The following ACYP2 variants were observed in gnomAD, a reference collection of about 807,000 sequenced individuals.
ACYP2 encodes acylphosphatase-2.
Under a neutral mutation model 11.2 loss-of-function variants are expected in ACYP2, and 12 were observed. That is an observed-to-expected ratio of 1.08 (90% CI 0.69 to 1.74). The LOEUF (loss-of-function observed/expected upper bound fraction) is 1.74. Ranked by LOEUF, ACYP2 falls within the 40% of genes most tolerant of loss-of-function variation. ACYP2 has a pLI of 0.00. For synonymous variants in ACYP2, 43 were observed against 32.2 expected, an observed-to-expected ratio of 1.33 and a Z score of -1.13; for missense variants, 134 against 101.9, an observed-to-expected ratio of 1.31 and a Z score of -1.35.
intron 2 of ACYP2, among the ~76,000 whole-genome samples, chr2:54,044,816 T>C (rs1675428762): frequency 6.6e-6 from 1 of 152,298 alleles, no homozygotes; most frequent in Non-Finnish European, 1.5e-5. Flanking sequence ...CAGTGGAAAG[T>C]GGCTGAAGGT....
intron 2 of ACYP2, among the ~76,000 whole-genome samples, chr2:54,050,488 G>A (rs1558495199): frequency 6.6e-6 from 1 of 150,542 alleles, no homozygotes; most frequent in Admixed American, 6.6e-5. Context: ...GTTGGAGGCT[G>A]CAGTTAGCAT....
intron 6 of ACYP2, among the ~76,000 whole-genome samples, chr2:54,267,917 T>C (rs1688110315): frequency 6.6e-6 from 1 of 152,214 alleles, no homozygotes; most frequent in African/African-American, 2.4e-5. Flanking sequence ...AATTGGGGCC[T>C]ATTCATGCTA....
chr2:54,018,689 C>T (rs1673828513), intron 2 of ACYP2, among the ~76,000 whole-genome samples: 1 of 152,102 alleles, frequency 6.6e-6, no homozygotes, highest in Admixed American at 6.6e-5. Flanking sequence ...AATAGAACTT[C>T]TTATGGCTTT....
At chr2:54,207,352 G>A (rs1228935491) in intron 6 of ACYP2, among the ~76,000 whole-genome samples, 1 of 152,096 alleles carries the variant, frequency 6.6e-6, no homozygotes, top group Non-Finnish European at 1.5e-5. Flanking sequence ...GAACTTCTAT[G>A]TTGTAGTCTG....
At position 54,271,242 on chromosome 2, in the gene ACYP2, A is replaced by G. The variant is rs544096156; in HGVS notation, c.405-33446A>G. On this transcript the variant is annotated intron_variant, in intron 6 of 6. Coordinates refer to ENST00000607452, the MANE Select transcript of ACYP2 (RefSeq NM_001320586.2). ...ACTAATGAAAGGCCACAAGATTAGT[A>G]TTATGGGAGGAGCCTCAATTCTGCT... 5.4e-4 allele frequency among the ~76,000 whole-genome samples: 82 copies of G among 152,328 alleles called. 1 individual carries two copies. In the South Asian group the frequency reaches 0.012, roughly 22 times the overall value.
intron 6 of ACYP2, among the ~76,000 whole-genome samples, chr2:54,175,994 G>A (rs536160920): frequency 6.6e-6 from 1 of 152,108 alleles, no homozygotes; most frequent in Admixed American, 6.6e-5. Context: ...TACCATGTGA[G>A]GATACATTGA....
At chr2:54,180,633 C>T (rs1363450818) in intron 6 of ACYP2, among the ~76,000 whole-genome samples, 2 of 152,160 alleles carry the variant, frequency 1.3e-5, no homozygotes, top group Non-Finnish European at 2.9e-5. Context: ...TGGCTCACTG[C>T]AGTTTCAACC....
chr2:54,116,132 G>C (rs1157832214), intron 4 of ACYP2, among the ~76,000 whole-genome samples: 2 of 152,174 alleles, frequency 1.3e-5, no homozygotes, highest in Non-Finnish European at 2.9e-5. Flanking sequence ...ACCTGGGCTT[G>C]ACTTGAGTTT....
At chr2:54,204,104 C>A (rs566447048) in intron 6 of ACYP2, among the ~76,000 whole-genome samples, 1 of 152,172 alleles carries the variant, frequency 6.6e-6, no homozygotes, top group Non-Finnish European at 1.5e-5. Flanking sequence ...AAGTGATTCA[C>A]CTGTCTCAGC....
intron 6 of ACYP2, among the ~76,000 whole-genome samples, chr2:54,246,126 A>G (rs918426149): frequency 3.9e-5 from 6 of 152,020 alleles, no homozygotes; most frequent in African/African-American, 1.4e-4. Flanking sequence ...CTTTCCCCCA[A>G]TTAACGTTCT....
At chr2:54,133,634 C>T (rs1057051911) in intron 4 of ACYP2, among the ~76,000 whole-genome samples, 1 of 152,140 alleles carries the variant, frequency 6.6e-6, no homozygotes, top group East Asian at 1.9e-4. Flanking sequence ...ACCAAAGAAG[C>T]CTGTTCTAAT....
chr2:54,044,372 A>T (rs1296839056), intron 2 of ACYP2, among the ~76,000 whole-genome samples: 1 of 151,992 alleles, frequency 6.6e-6, no homozygotes, highest in South Asian at 2.1e-4. Context: ...AGGCGGGTAG[A>T]TCACTTGGGA....
chr2:54,063,906 A>G (rs1676601747), intron 4 of ACYP2, among the ~76,000 whole-genome samples: 1 of 152,204 alleles, frequency 6.6e-6, no homozygotes, highest in African/African-American at 2.4e-5. Flanking sequence ...AAATATTTGA[A>G]GGAAGGACAG....
intron 2 of ACYP2, among the ~76,000 whole-genome samples, chr2:54,026,376 A>C (rs1674287015): frequency 6.6e-6 from 1 of 151,980 alleles, no homozygotes; most frequent in South Asian, 2.1e-4. Flanking sequence ...TGATACCAGC[A>C]ACAATAACCA....
chr2:53,990,620 G>T (rs1239491173), intron 2 of ACYP2, among the ~76,000 whole-genome samples: 1 of 141,632 alleles, frequency 7.1e-6, no homozygotes, highest in Non-Finnish European at 1.5e-5. Flanking sequence ...TTGCACTCCA[G>T]CCTGGGAGAC....
At chr2:54,149,793 G>A (rs1035063923) in intron 6 of ACYP2, among the ~76,000 whole-genome samples, 1 of 152,184 alleles carries the variant, frequency 6.6e-6, no homozygotes, top group African/African-American at 2.4e-5. Flanking sequence ...GTATATAAGA[G>A]GATGATGAAA....
At chr2:54,217,021 G>C (rs1299190657) in intron 6 of ACYP2, among the ~76,000 whole-genome samples, 1 of 152,018 alleles carries the variant, frequency 6.6e-6, no homozygotes, top group Admixed American at 6.5e-5. Context: ...TCATTTATTT[G>C]TTCTAATATA....
intron 1 of ACYP2, among the ~76,000 whole-genome samples, chr2:53,972,480 G>A (rs1480666503): frequency 2.0e-5 from 3 of 151,976 alleles, no homozygotes; most frequent in Admixed American, 2.0e-4. Flanking sequence ...GGTGGCGGGC[G>A]CCTGTAGTCC....
chr2:54,276,842 A>G (rs1688615660), intron 6 of ACYP2, among the ~76,000 whole-genome samples: 1 of 152,122 alleles, frequency 6.6e-6, no homozygotes, highest in Non-Finnish European at 1.5e-5. Context: ...ACATTTCCCA[A>G]ATATTTTCCT....
Sources: gnomAD v4.1 joint callset for allele counts (sites outside exome capture counted in the v4.1 genomes callset) on GRCh38, gnomAD v4.1.1 for gene constraint, MANE v1.5 for transcripts, NCBI Gene and HGNC (gene_info 2026-07-23, HGNC 2026-07-21) for gene names.